DCAF1: variants seen among roughly 807,000 people sequenced by gnomAD.
The protein encoded by DCAF1 is DDB1 and CUL4 associated factor 1.
A neutral mutation model predicts 128.0 loss-of-function variants in DCAF1; 15 were observed. That is an observed-to-expected ratio of 0.12 (90% CI 0.08 to 0.18). The LOEUF is 0.18. Ranked by LOEUF, DCAF1 falls within the 10% of genes least tolerant of loss-of-function variation. The pLI, the probability that DCAF1 is intolerant of heterozygous loss-of-function variation, is 1.00. For missense variants in DCAF1, 988 were observed against 1,649.5 expected, an observed-to-expected ratio of 0.60 and a Z score of 6.95; for synonymous variants, 610 against 603.0, an observed-to-expected ratio of 1.01 and a Z score of -0.17.
chr3:51,446,119 G>A (rs1457721527), intron 6 of DCAF1, among the ~76,000 whole-genome samples: 3 of 150,340 alleles, frequency 2.0e-5, no homozygotes, highest in South Asian at 2.1e-4. Context: ...TTGGCCTCCC[G>A]AGTAGCTGGG....
intron 3 of DCAF1, among the ~76,000 whole-genome samples, chr3:51,471,606 G>A (rs941871717): frequency 5.3e-5 from 8 of 151,986 alleles, no homozygotes; most frequent in Admixed American, 2.0e-4. Flanking sequence ...GATGGCTCAC[G>A]CCTGTAATCC....
At chr3:51,402,566 ATTTT>A (rs540396047) in intron 24 of DCAF1, among the ~76,000 whole-genome samples, 16 of 84,984 alleles carry the variant, frequency 1.9e-4, no homozygotes, top group African/African-American at 5.5e-4. Flanking sequence ...CCTACAAAGC[ATTTT>A]TTTTTTTTTT....
At chr3:51,399,220 C>G (rs1392972157) in intron 24 of DCAF1, among the ~76,000 whole-genome samples, 1 of 152,212 alleles carries the variant, frequency 6.6e-6, no homozygotes, top group Non-Finnish European at 1.5e-5. Flanking sequence ...AGGATACGCA[C>G]AGGCCTGCCT....
rs1553625609 is a variant in DCAF1 at position 51,403,390 on chromosome 3, C to G, written c.4218G>C (p.Glu1406Asp). 1 of 1,552,100 alleles carries G rather than the reference C, an allele frequency of 6.4e-7. No homozygotes were observed. The highest frequency in any genetic ancestry group is 8.7e-7 in the Non-Finnish European group (1 of 1,147,084). The part of the protein sequence containing the change: ...EDEDEEEDQE[E>D]EEQEEEDDDE... Reference sequence around the variant, plus strand: ...CATCATCTTCTTCCTCCTGTTCTTCCTCTTCCTGGTAAGAAAGCGTAATGT... The same window carrying G: ...CATCATCTTCTTCCTCCTGTTCTTCGTCTTCCTGGTAAGAAAGCGTAATGT... Residue 1406 changes from glutamate (E) to aspartate (D), a missense_variant, in exon 24 of 25, where the codon GAG becomes GAC. Physicochemically the swap from Glu to Asp is conservative, Grantham distance 45. Coordinates refer to ENST00000684031, the MANE Select transcript of DCAF1 (RefSeq NM_001387579.1).
intron 3 of DCAF1, among the ~76,000 whole-genome samples, chr3:51,481,084 C>T (rs1335707543): frequency 6.6e-6 from 1 of 152,128 alleles, no homozygotes; most frequent in Admixed American, 6.6e-5. Flanking sequence ...CTCAACATCC[C>T]ATCCCCAATA....
At chr3:51,440,305 T>C in intron 9 of DCAF1, 1 of 335,970 alleles carries the variant, frequency 3.0e-6, no homozygotes, top group Non-Finnish European at 5.9e-6. Context: ...CACAGGCACA[T>C]CTCTGTCAAT....
At chr3:51,449,035 C>T (rs1029165379) in intron 6 of DCAF1, among the ~76,000 whole-genome samples, 5 of 151,880 alleles carry the variant, frequency 3.3e-5, no homozygotes. Context: ...TCAACAATAT[C>T]GCAAAACTAC....
At chr3:51,486,255 C>G (rs965029735) in intron 2 of DCAF1, among the ~76,000 whole-genome samples, 1 of 149,312 alleles carries the variant, frequency 6.7e-6, no homozygotes, top group South Asian at 2.1e-4. Flanking sequence ...TGCAGTAGCG[C>G]GGTCCCAGCT....
rs1553654027 is a variant in DCAF1 at position 51,483,772 on chromosome 3, C to T, written c.57G>A (p.Glu19=). 1.2e-6 allele frequency: 2 copies of T among 1,613,874 alleles called. No individual in the cohort carries two copies. The highest frequency in any genetic ancestry group is 3.3e-4 in the Middle Eastern group (2 of 6,062). The part of the protein sequence containing the change: ...DSKAELTTLL[E]QWEKEHGSGQ... ...CACTGCCATGTTCCTTTTCCCACTGCTCCAGCAGGGTAGTGAGCTCAGCTT... is the reference window on the plus strand; with the variant it reads ...CACTGCCATGTTCCTTTTCCCACTGTTCCAGCAGGGTAGTGAGCTCAGCTT... The change falls in exon 3 of 25, where the codon GAG becomes GAA. Residue 19 remains glutamate (E), a synonymous_variant. Coordinates refer to ENST00000684031, the MANE Select transcript of DCAF1 (RefSeq NM_001387579.1).
In DCAF1 at chr3:51,483,637, G is replaced by GTGTGTGTGTA. The variant is rs1706547668; in HGVS notation, c.110+72_110+81dup. ...TGTGTGTGTGTGTGTGTGTGTGTGTGTGTGTGTGTATGAAGAAATCTAGCG... is the reference window on the plus strand; with the variant it reads ...TGTGTGTGTGTGTGTGTGTGTGTGTGTGTGTGTGTATGTGTGTGTATGAAGAAATCTAGCG... On this transcript the variant is annotated intron_variant, in intron 3 of 24. Coordinates refer to ENST00000684031, the MANE Select transcript of DCAF1 (RefSeq NM_001387579.1). 1.3e-5 allele frequency: 11 copies of GTGTGTGTGTA among 863,734 alleles called. No homozygotes were observed. The East Asian group carries it at 2.5e-4, about 20-fold the overall frequency. The allele number at this position is 863,734 out of a possible 1,614,324, so 53.5% of individuals were successfully genotyped here. A position where few individuals can be genotyped will look rare whatever the true frequency, so the allele number is the denominator to read the frequency against.
chr3:51,446,302 GTTC>G (rs1387228772), intron 6 of DCAF1, among the ~76,000 whole-genome samples: 2 of 152,060 alleles, frequency 1.3e-5, no homozygotes, highest in Admixed American at 1.3e-4. Context: ...ACCCGGCCAA[GTTC>G]TTAATTTTCT....
chr3:51,402,358 C>T (rs1310794280), intron 24 of DCAF1, among the ~76,000 whole-genome samples: 3 of 152,128 alleles, frequency 2.0e-5, no homozygotes, highest in African/African-American at 4.8e-5. Context: ...CCATGCCTCT[C>T]GGCGGAGAGC....
At position 51,398,764 on chromosome 3, in the gene DCAF1, G is replaced by A. The variant is rs1553623981; in HGVS notation, c.*5C>T. On this transcript the variant is annotated 3_prime_UTR_variant, in exon 25 of 25. Coordinates refer to ENST00000684031, the MANE Select transcript of DCAF1 (RefSeq NM_001387579.1). ...CAAGAATCTCTTCCAAGCAGTGATG[G>A]CTCCTCACTCATTCAGAGATAAGAT... 1 of 1,587,744 alleles carries A rather than the reference G, an allele frequency of 6.3e-7. No homozygotes were observed. Among genetic ancestry groups the A allele is most frequent in the Non-Finnish European group, 8.6e-7 (1 of 1,166,480 alleles).
chr3:51,436,913 A>G (rs948208701), intron 9 of DCAF1, among the ~76,000 whole-genome samples: 2 of 152,228 alleles, frequency 1.3e-5, no homozygotes, highest in South Asian at 4.1e-4. Flanking sequence ...AATTTTCAGT[A>G]CAAATAAAGG....
chr3:51,503,612 G>C (rs1249344729), upstream of DCAF1, among the ~76,000 whole-genome samples: 1 of 152,092 alleles, frequency 6.6e-6, no homozygotes, highest in Non-Finnish European at 1.5e-5. Flanking sequence ...CAGCAGTGTC[G>C]CAGGAGCCAC....
At chr3:51,444,000 A>G in intron 6 of DCAF1, 97 bp from the exon 7 acceptor site, 1 of 1,206,370 alleles carries the variant, frequency 8.3e-7, no homozygotes, top group Non-Finnish European at 1.1e-6. Context: ...AAATTTTAAT[A>G]TTTCAATGTT....
At chr3:51,431,748 C>T (rs369781770) in intron 10 of DCAF1, among the ~76,000 whole-genome samples, 1 of 150,814 alleles carries the variant, frequency 6.6e-6, no homozygotes, top group African/African-American at 2.4e-5. Context: ...GTCCAGGCGT[C>T]GGAGACCAGC....
intron 17 of DCAF1, 77 bp from the exon 18 acceptor site, chr3:51,416,948 C>A: frequency 5.9e-6 from 9 of 1,538,056 alleles, no homozygotes; most frequent in Non-Finnish European, 7.0e-6. Context: ...ACACAGGTGA[C>A]CCCCAGCCTC....
chr3:51,442,592 G>A (rs1344911967), intron 7 of DCAF1, among the ~76,000 whole-genome samples: 1 of 151,912 alleles, frequency 6.6e-6, no homozygotes, highest in Non-Finnish European at 1.5e-5. Flanking sequence ...CCAGCTACTC[G>A]GGAGGCTGAG....
Sources: gnomAD v4.1 joint callset for allele counts (sites outside exome capture counted in the v4.1 genomes callset) on GRCh38, gnomAD v4.1.1 for gene constraint, MANE v1.5 for transcripts, NCBI Gene and HGNC (gene_info 2026-07-23, HGNC 2026-07-21) for gene names.